Variants in PLCB1 observed in about 807,000 individuals in gnomAD.
PLCB1 encodes the protein 1-phosphatidylinositol 4,5-bisphosphate phosphodiesterase beta-1.
In PLCB1, 46 loss-of-function variants were observed where a neutral mutation model predicts 161.8. The observed-to-expected ratio is 0.28, with a 90% confidence interval of 0.22 to 0.36. PLCB1 has a LOEUF of 0.36. Ranked by LOEUF, PLCB1 falls within the 10% of genes least tolerant of loss-of-function variation. The probability of loss-of-function intolerance (pLI) is 1.00; values close to 1 mark genes in which losing one functional copy is unlikely to be tolerated. For missense variants in PLCB1, 1,016 were observed against 1,472.5 expected, an observed-to-expected ratio of 0.69 and a Z score of 5.07; for synonymous variants, 517 against 503.7, an observed-to-expected ratio of 1.03 and a Z score of -0.35.
chr20:8,747,347 A>T (rs1463112652), intron 23 of PLCB1, among the ~76,000 whole-genome samples: 1 of 152,234 alleles, frequency 6.6e-6, no homozygotes, highest in African/African-American at 2.4e-5. Context: ...ATTCATTTCC[A>T]TACTTGGGAA....
intron 2 of PLCB1, among the ~76,000 whole-genome samples, chr20:8,243,132 G>A (rs1218896265): frequency 4.6e-5 from 7 of 151,824 alleles, no homozygotes; most frequent in Admixed American, 3.9e-4. Context: ...AAAATATCAC[G>A]ACCTAAGATA....
intron 3 of PLCB1, among the ~76,000 whole-genome samples, chr20:8,517,123 G>A (rs907780933): frequency 4.6e-5 from 7 of 151,974 alleles, no homozygotes; most frequent in African/African-American, 7.2e-5. Context: ...GGCTGCATTC[G>A]GGGAGCCCAC....
intron 3 of PLCB1, among the ~76,000 whole-genome samples, chr20:8,455,432 CTTT>C (rs1175763739): frequency 0.21 from 15,762 of 73,502 alleles, 322 homozygotes; most frequent in African/African-American, 0.27. Flanking sequence ...TATTCTTCCT[CTTT>C]TTTTTTTTTT....
intron 3 of PLCB1, among the ~76,000 whole-genome samples, chr20:8,451,130 T>C (rs574365886): frequency 3.3e-4 from 50 of 152,186 alleles, no homozygotes; most frequent in Non-Finnish European, 6.0e-4. Context: ...CATTTTTCAT[T>C]TTTCAGCCAC....
At position 8,266,113 on chromosome 20, in the gene PLCB1, G is replaced by T. The variant is rs138833458; in HGVS notation, c.178-105269G>T. ...TTGTGTGTTGGCAATTTTTAGTTGT[G>T]TATCGATTAACCATTGCTACAATAA... On this transcript the variant is annotated intron_variant, in intron 2 of 31. Transcript: ENST00000338037. 2.2e-3 allele frequency among the ~76,000 whole-genome samples: 339 copies of T among 152,262 alleles called. 1 individual carries two copies. Among genetic ancestry groups the T allele is most frequent in the African/African-American group, 7.4e-3 (307 of 41,544 alleles).
chr20:8,224,595 TA>T (rs553660234), intron 2 of PLCB1, among the ~76,000 whole-genome samples: 94 of 152,190 alleles, frequency 6.2e-4, no homozygotes, highest in South Asian at 3.9e-3. Flanking sequence ...ATATCAGCTT[TA>T]AAAAAAATTT....
chr20:8,517,666 T>C (rs1984187363), intron 3 of PLCB1, among the ~76,000 whole-genome samples: 1 of 152,214 alleles, frequency 6.6e-6, no homozygotes, highest in African/African-American at 2.4e-5. Context: ...TCCACAGGAC[T>C]GAATAGGATG....
At chr20:8,628,611 T>G (rs1988430451) in intron 4 of PLCB1, 180 bp downstream of exon 4, 1 of 617,004 alleles carries the variant, frequency 1.6e-6, no homozygotes. Flanking sequence ...TGGCATCAAC[T>G]TAAGAATTAT....
intron 7 of PLCB1, chr20:8,652,653 T>A (rs1191294953): frequency 6.6e-6 from 1 of 152,128 alleles, no homozygotes; most frequent in African/African-American, 2.4e-5. Flanking sequence ...TCATTTAAGC[T>A]AGATTTAATT....
chr20:8,423,832 G>T (rs1228056819), intron 3 of PLCB1, among the ~76,000 whole-genome samples: 1 of 152,140 alleles, frequency 6.6e-6, no homozygotes, highest in East Asian at 1.9e-4. Context: ...CAAATTTCAT[G>T]AGGCAGGGTC....
chr20:8,247,424 A>G (rs1980931338), intron 2 of PLCB1, among the ~76,000 whole-genome samples: 1 of 151,964 alleles, frequency 6.6e-6, no homozygotes, highest in African/African-American at 2.4e-5. Context: ...TTTAGAAATC[A>G]TTAGAAATTT....
intron 18 of PLCB1, among the ~76,000 whole-genome samples, chr20:8,730,273 CT>C (rs781309844): frequency 6.6e-5 from 10 of 151,832 alleles, no homozygotes; most frequent in Non-Finnish European, 1.3e-4. Flanking sequence ...TTTATTTAAC[CT>C]TTTCAACCAT....
intron 2 of PLCB1, among the ~76,000 whole-genome samples, chr20:8,298,847 C>T (rs1418858048): frequency 6.6e-6 from 1 of 152,050 alleles, no homozygotes; most frequent in Non-Finnish European, 1.5e-5. Flanking sequence ...AAAACATAAC[C>T]AAACAGATGT....
intron 9 of PLCB1, among the ~76,000 whole-genome samples, chr20:8,682,984 T>C (rs1990258998): frequency 6.6e-6 from 1 of 152,070 alleles, no homozygotes; most frequent in African/African-American, 2.4e-5. Flanking sequence ...TAGAAACAAC[T>C]TTAATGATCA....
chr20:8,594,729 C>G (rs936501837), intron 3 of PLCB1, among the ~76,000 whole-genome samples: 1 of 150,348 alleles, frequency 6.7e-6, no homozygotes, highest in Non-Finnish European at 1.5e-5. Context: ...TCAATATGAA[C>G]TCAGTGCTTT....
chr20:8,561,386 CT>C (rs1986136520), intron 3 of PLCB1, among the ~76,000 whole-genome samples: 1 of 151,908 alleles, frequency 6.6e-6, no homozygotes, highest in South Asian at 2.1e-4. Flanking sequence ...AGCACTCATT[CT>C]TTATCTGTTC....
intron 3 of PLCB1, among the ~76,000 whole-genome samples, chr20:8,412,068 T>C (rs1302157397): frequency 1.3e-5 from 2 of 152,096 alleles, no homozygotes; most frequent in African/African-American, 4.8e-5. Context: ...AGTAAAGAAA[T>C]TGACGCTTAT....
intron 3 of PLCB1, among the ~76,000 whole-genome samples, chr20:8,466,388 G>C (rs867368925): frequency 6.6e-6 from 1 of 150,894 alleles, no homozygotes; most frequent in Non-Finnish European, 1.5e-5. Context: ...ACGAGTTAGT[G>C]GGTGCAGCGC....
chr20:8,574,237 A>T (rs1416926209), intron 3 of PLCB1, among the ~76,000 whole-genome samples: 1 of 152,154 alleles, frequency 6.6e-6, no homozygotes, highest in African/African-American at 2.4e-5. Context: ...CATCTCTATT[A>T]AAAATACAAA....
Sources: gnomAD v4.1 joint callset for allele counts (sites outside exome capture counted in the v4.1 genomes callset) on GRCh38, gnomAD v4.1.1 for gene constraint, MANE v1.5 for transcripts, NCBI Gene and HGNC (gene_info 2026-07-23, HGNC 2026-07-21) for gene names.